TLR2: variants seen among roughly 807,000 people sequenced by gnomAD.
The protein encoded by TLR2 is toll like receptor 2.
A neutral mutation model predicts 9.1 loss-of-function variants in TLR2; 7 were observed. The ratio of observed to expected loss-of-function variants is 0.77; its 90% CI spans 0.44 to 1.44. TLR2 has a LOEUF of 1.44. TLR2 is among the 40% of genes most tolerant of loss of function. The probability of loss-of-function intolerance (pLI) is 0.01; values close to 1 mark genes in which losing one functional copy is unlikely to be tolerated. For missense variants in TLR2, 812 were observed against 904.6 expected (o/e 0.90, Z 1.31); for synonymous variants, 317 against 344.6 (o/e 0.92, Z 0.89).
rs1560749760 is a variant in TLR2 at position 153,703,111 on chromosome 4, C to G, written c.204C>G (p.Ser68Arg). Residue 68 changes from serine (S) to arginine (R), a missense_variant, in exon 3 of 3, where the codon AGC becomes AGG. Physicochemically the swap from Ser to Arg is moderately radical, Grantham distance 110. Coordinates refer to ENST00000642700, the MANE Select transcript of TLR2 (RefSeq NM_001318789.2). The part of the protein sequence containing the change: ...DLSNNRITYI[S>R]NSDLQRCVNL... Reference sequence around the variant, plus strand: ...CCAACAACAGGATCACCTACATTAGCAACAGTGACCTACAGAGGTGTGTGA... The same window carrying G: ...CCAACAACAGGATCACCTACATTAGGAACAGTGACCTACAGAGGTGTGTGA... The G allele has an allele frequency of 6.2e-7, 1 of 1,614,150 alleles. No individual in the cohort carries two copies. Among genetic ancestry groups the G allele is most frequent in the Non-Finnish European group, 8.5e-7 (1 of 1,180,028 alleles).
intron 2 of TLR2, among the ~76,000 whole-genome samples, chr4:153,692,971 T>C (rs990601454): frequency 1.3e-5 from 2 of 152,216 alleles, no homozygotes; most frequent in Admixed American, 1.3e-4. Flanking sequence ...ACCAGTAGGA[T>C]GTTTATCAGT....
intron 2 of TLR2, among the ~76,000 whole-genome samples, chr4:153,693,426 C>T (rs1475831601): frequency 6.6e-6 from 1 of 152,166 alleles, no homozygotes; most frequent in Non-Finnish European, 1.5e-5. Context: ...CAGGGAACTG[C>T]TAAGCCTCTA....
At position 153,704,974 on chromosome 4, in the gene TLR2, C is replaced by A. The variant is rs989838323; in HGVS notation, c.2067C>A (p.Ile689=). 4 of 1,612,984 alleles carry A rather than the reference C, an allele frequency of 2.5e-6. No individual in the cohort carries two copies. In the African/African-American group the frequency reaches 5.3e-5, roughly 22 times the overall value. Residue 689 remains isoleucine (I), a synonymous_variant, in exon 3 of 3, where the codon ATC becomes ATA. Transcript: ENST00000642700. ...CTGGCAAGTGGATCATTGACAATAT[C>A]ATTGACTCCATTGAAAAGAGCCACA... ...FIPGKWIIDN[I]IDSIEKSHKT... is the part of the protein sequence containing the mutation.
At chr4:153,690,265 G>T (rs1736017631) in intron 2 of TLR2, among the ~76,000 whole-genome samples, 1 of 152,152 alleles carries the variant, frequency 6.6e-6, no homozygotes, top group Non-Finnish European at 1.5e-5. Context: ...TTGTATATGG[G>T]GTGTCCTGTA....
At chr4:153,700,747 A>C (rs969286663) in intron 2 of TLR2, among the ~76,000 whole-genome samples, 1 of 152,210 alleles carries the variant, frequency 6.6e-6, no homozygotes, top group Non-Finnish European at 1.5e-5. Context: ...CTAGATATTG[A>C]GATATATTAT....
chr4:153,703,496 A>T lies in TLR2; in HGVS notation c.589A>T (p.Ile197Phe), dbSNP rs144030660. The T allele has an allele frequency of 1.4e-4, 221 of 1,613,822 alleles. No homozygotes were observed. In the African/African-American group the frequency reaches 2.7e-3, roughly 19 times the overall value. The change falls in exon 3 of 3, where the codon ATT becomes TTT. Residue 197 changes from isoleucine (I) to phenylalanine (F), a missense_variant. By Grantham distance (21) the Ile-to-Phe change is conservative. Transcript: ENST00000642700. Reference protein sequence around the residue: ...QSYEPKSLKSIQNVSHLILHM... With the variant: ...QSYEPKSLKSFQNVSHLILHM... The stretch of plus-strand genomic sequence containing the variant: ...CTATGAGCCAAAAAGTTTGAAGTCA[A>T]TTCAGAATGTAAGTCATCTGATCCT...
intron 2 of TLR2, among the ~76,000 whole-genome samples, chr4:153,694,374 T>C (rs571654134): frequency 6.6e-6 from 1 of 152,174 alleles, no homozygotes; most frequent in East Asian, 1.9e-4. Context: ...AGATTTTGTT[T>C]ATGGCAAGAT....
chr4:153,685,352 A>G (rs1041821503), intron 1 of TLR2, among the ~76,000 whole-genome samples: 1 of 152,102 alleles, frequency 6.6e-6, no homozygotes, highest in African/African-American at 2.4e-5. Flanking sequence ...GGTGATTGGA[A>G]GTGGTGGGTG....
At chr4:153,685,134 T>C (rs1735611378) in intron 1 of TLR2, among the ~76,000 whole-genome samples, 1 of 152,240 alleles carries the variant, frequency 6.6e-6, no homozygotes, top group Admixed American at 6.5e-5. Context: ...ACCTCTGCGT[T>C]CCTTCATTCT....
intron 1 of TLR2, among the ~76,000 whole-genome samples, chr4:153,687,687 C>A (rs1735808319): frequency 6.6e-6 from 1 of 152,032 alleles, no homozygotes; most frequent in African/African-American, 2.4e-5. Context: ...TCAGACTATG[C>A]CCAAACAAGG....
chr4:153,693,730 G>A (rs767012957), intron 2 of TLR2, among the ~76,000 whole-genome samples: 4 of 152,160 alleles, frequency 2.6e-5, no homozygotes, highest in Admixed American at 6.5e-5. Flanking sequence ...GTGTGAAAAG[G>A]TTCCAAGGTG....
intron 1 of TLR2, among the ~76,000 whole-genome samples, chr4:153,685,339 A>G (rs1288618905): frequency 6.6e-6 from 1 of 152,186 alleles, no homozygotes; most frequent in Non-Finnish European, 1.5e-5. Flanking sequence ...AGAGAGAGAA[A>G]GAGGTGATTG....
chr4:153,694,808 C>T (rs1736375732), intron 2 of TLR2, among the ~76,000 whole-genome samples: 1 of 151,928 alleles, frequency 6.6e-6, no homozygotes, highest in South Asian at 2.1e-4. Context: ...TTAACCATCC[C>T]AGTCCCCCTG....
chr4:153,693,512 C>T (rs1245571742), intron 2 of TLR2, among the ~76,000 whole-genome samples: 3 of 152,172 alleles, frequency 2.0e-5, no homozygotes, highest in African/African-American at 7.2e-5. Flanking sequence ...GCTGCTCAGT[C>T]ACTGGGGCGA....
At chr4:153,696,202 CAT>C (rs1474688453) in intron 2 of TLR2, among the ~76,000 whole-genome samples, 1 of 151,980 alleles carries the variant, frequency 6.6e-6, no homozygotes, top group African/African-American at 2.4e-5. Context: ...ATTTTATTAA[CAT>C]ATTTCTGTGA....
rs1264241672 is a variant in TLR2 at position 153,703,913 on chromosome 4, GA to G, written c.1009del (p.Arg337GlufsTer7). The stretch of plus-strand genomic sequence containing the variant: ...TCTGAGCACTTTATATTCACTTACA[GA>G]AAGAGTTAAAAGAATCACAGTAGAA... Reference protein sequence around the residue: ...YDLSTLYSLTERVKRITVENS... With the variant: ...YDLSTLYSLTXRVKRITVENS... On this transcript the variant is annotated frameshift_variant, in exon 3 of 3. Transcript: ENST00000642700. LOFTEE classifies it low-confidence loss of function (END_TRUNC). The G allele has an allele frequency of 6.2e-7, 1 of 1,613,466 alleles. No individual in the cohort carries two copies. The highest frequency in any genetic ancestry group is 1.7e-5 in the Admixed American group (1 of 59,892).
intron 1 of TLR2, among the ~76,000 whole-genome samples, chr4:153,686,385 T>C (rs1284404908): frequency 6.6e-6 from 1 of 152,240 alleles, no homozygotes; most frequent in Admixed American, 6.5e-5. Context: ...TGCAATTTAA[T>C]ACATCAGTAA....
At chr4:153,708,914 A>AAGAG (rs564919491), downstream of TLR2, among the ~76,000 whole-genome samples, 61 of 152,272 alleles carry the variant, frequency 4.0e-4, no homozygotes, top group African/African-American at 1.5e-3. Flanking sequence ...GTTTTCAAAT[A>AAGAG]AGAGAAGTTA....
intron 2 of TLR2, among the ~76,000 whole-genome samples, chr4:153,694,483 C>T (rs374207841): frequency 4.3e-4 from 66 of 152,276 alleles, no homozygotes; most frequent in African/African-American, 1.4e-3. Flanking sequence ...TTTAAAGCTA[C>T]AATAGCTAGA....
Sources: allele counts gnomAD v4.1 joint callset (sites outside exome capture counted in the v4.1 genomes callset), GRCh38; gene constraint gnomAD v4.1.1; transcripts MANE v1.5; gene names NCBI Gene and HGNC (gene_info 2026-07-23, HGNC 2026-07-21).